Variants in ENOX1 observed in about 807,000 individuals in gnomAD.
The protein encoded by ENOX1 is candidate growth-related and time keeping constitutive hydroquinone (NADH) oxidase.
In ENOX1, 42 loss-of-function variants were observed where a neutral mutation model predicts 82.5. The observed-to-expected ratio is 0.51, with a 90% CI of 0.40 to 0.66. The LOEUF is 0.66. Ranked by LOEUF, ENOX1 falls within the 30% of genes least tolerant of loss-of-function variation. The pLI is 0.00. For missense variants in ENOX1, 608 were observed against 811.6 expected (o/e 0.75, Z 3.05); for synonymous variants, 271 against 282.2 (o/e 0.96, Z 0.40).
chr13:43,435,048 G>T (rs1325398404), intron 3 of ENOX1, among the ~76,000 whole-genome samples: 2 of 143,200 alleles, frequency 1.4e-5, no homozygotes, highest in Non-Finnish European at 1.5e-5. Flanking sequence ...AAACCTCTTA[G>T]CATAATACCC....
intron 16 of ENOX1, among the ~76,000 whole-genome samples, chr13:43,222,400 C>T (rs1390116724): frequency 6.6e-6 from 1 of 151,876 alleles, no homozygotes; most frequent in Admixed American, 6.6e-5. Context: ...CACACACACA[C>T]ACACGCAGGC....
chr13:43,440,781 C>T (rs2056316625), intron 3 of ENOX1, among the ~76,000 whole-genome samples: 1 of 152,024 alleles, frequency 6.6e-6, no homozygotes, highest in Non-Finnish European at 1.5e-5. Context: ...TTTAAAAATA[C>T]TAAATATGAA....
At chr13:43,262,692 G>T (rs1303231412) in intron 14 of ENOX1, among the ~76,000 whole-genome samples, 1 of 152,022 alleles carries the variant, frequency 6.6e-6, no homozygotes, top group East Asian at 1.9e-4. Context: ...GCCCAGTCTG[G>T]TCTTGAACTC....
chr13:43,289,448 A>G (rs1030033453), intron 12 of ENOX1, among the ~76,000 whole-genome samples: 2 of 152,188 alleles, frequency 1.3e-5, no homozygotes, highest in South Asian at 2.1e-4. Context: ...ATTTGACAGG[A>G]CTGACAAAAA....
intron 1 of ENOX1, among the ~76,000 whole-genome samples, chr13:43,748,065 T>A (rs1459490606): frequency 2.0e-5 from 3 of 152,224 alleles, no homozygotes; most frequent in Non-Finnish European, 4.4e-5. Flanking sequence ...AAATTAGTGG[T>A]CATTATGTGC....
intron 2 of ENOX1, among the ~76,000 whole-genome samples, chr13:43,619,333 CAG>C (rs2082623561): frequency 6.6e-6 from 1 of 152,020 alleles, no homozygotes; most frequent in Non-Finnish European, 1.5e-5. Context: ...GTCAGATTCT[CAG>C]AGAGAATGCT....
chr13:43,740,284 T>C (rs79463878), intron 1 of ENOX1, among the ~76,000 whole-genome samples: 354 of 152,220 alleles, frequency 2.3e-3, no homozygotes, highest in African/African-American at 8.3e-3. Context: ...ACTTTGCATT[T>C]ACTCTGAAAG....
chr13:43,556,619 G>T (rs2079448001), intron 2 of ENOX1, among the ~76,000 whole-genome samples: 1 of 151,748 alleles, frequency 6.6e-6, no homozygotes, highest in African/African-American at 2.4e-5. Context: ...ATTCATTCAT[G>T]ATTAATTATT....
intron 2 of ENOX1, among the ~76,000 whole-genome samples, chr13:43,528,093 G>A (rs1377324273): frequency 2.0e-5 from 3 of 152,060 alleles, no homozygotes; most frequent in Non-Finnish European, 4.4e-5. Context: ...ACTCAATTCA[G>A]TCTTTTCTGT....
chr13:43,681,476 TC>T (rs2085780589), intron 1 of ENOX1, among the ~76,000 whole-genome samples: 1 of 152,130 alleles, frequency 6.6e-6, no homozygotes. Flanking sequence ...TTTAAATTTT[TC>T]TCTTGGGAAG....
At chr13:43,387,349 T>C (rs2052481166) in intron 5 of ENOX1, among the ~76,000 whole-genome samples, 1 of 152,102 alleles carries the variant, frequency 6.6e-6, no homozygotes, top group South Asian at 2.1e-4. Context: ...GGAGCTGGCC[T>C]GTGGTGGGAA....
chr13:43,447,516 C>T (rs924028469), intron 3 of ENOX1, among the ~76,000 whole-genome samples: 6 of 151,984 alleles, frequency 3.9e-5, no homozygotes, highest in Non-Finnish European at 7.4e-5. Flanking sequence ...AGTCTGTGCC[C>T]TGACTTACAT....
rs1466507380 is a variant in ENOX1, at chr13:43,521,400, T to A, written c.-218-37248A>T. Among the ~76,000 whole-genome samples the A allele has an allele frequency of 2.6e-5, 4 of 152,046 alleles. No homozygotes were observed. The East Asian group carries it at 7.7e-4, about 29-fold the overall frequency. ...GCAGCAGCCAGTATTATCCAAAGAC[T>A]GATATCAGAGGCTCATGTCAGGCTG... On this transcript the variant is annotated intron_variant, in intron 2 of 16. Transcript: ENST00000690772.
At chr13:43,536,931 G>A (rs938640521) in intron 2 of ENOX1, among the ~76,000 whole-genome samples, 3 of 152,124 alleles carry the variant, frequency 2.0e-5, no homozygotes, top group Non-Finnish European at 2.9e-5. Context: ...AAAAACCAAG[G>A]AGCTTCCTCA....
At position 43,773,869 on chromosome 13, in the gene ENOX1, A is replaced by G. The variant is rs541596512; in HGVS notation, c.-285+12783T>C. 9.2e-5 allele frequency among the ~76,000 whole-genome samples: 14 copies of G among 152,304 alleles called. No homozygotes were observed. In the East Asian group the frequency reaches 2.5e-3, roughly 27 times the overall value. Reference sequence around the variant, plus strand: ...TGTGAACTTGGCACAACAAATACCTATTCATTAGGCACGCACAATGAATAT... The same window carrying G: ...TGTGAACTTGGCACAACAAATACCTGTTCATTAGGCACGCACAATGAATAT... On this transcript the variant is annotated intron_variant, in intron 1 of 16. Coordinates refer to ENST00000690772, the MANE Select transcript of ENOX1 (RefSeq NM_001347969.2).
intron 2 of ENOX1, among the ~76,000 whole-genome samples, chr13:43,548,897 G>A (rs1030883368): frequency 2.6e-5 from 4 of 151,832 alleles, no homozygotes; most frequent in African/African-American, 2.4e-5. Flanking sequence ...CTGCAAAAGC[G>A]CTTCCCAAAT....
At chr13:43,470,753 G>A (rs187285518) in intron 3 of ENOX1, among the ~76,000 whole-genome samples, 208 of 151,748 alleles carry the variant, frequency 1.4e-3, no homozygotes, top group African/African-American at 4.8e-3. Flanking sequence ...ATAAATGACC[G>A]GTGAGCATAT....
chr13:43,300,879 C>CAGAGAAATTTCTGTT (rs1306917983), intron 11 of ENOX1, among the ~76,000 whole-genome samples: 2,481 of 152,302 alleles, frequency 0.016, 52 homozygotes, highest in African/African-American at 0.056. Flanking sequence ...CAGAGACCTA[C>CAGAGAAATTTCTGTT]TCATAAAATC....
chr13:43,245,238 T>C lies in ENOX1; in HGVS notation c.1612-8500A>G, dbSNP rs189225847. 9.2e-5 allele frequency among the ~76,000 whole-genome samples: 14 copies of C among 152,308 alleles called. No homozygotes were observed. The East Asian group carries it at 2.7e-3, about 29-fold the overall frequency. On this transcript the variant is annotated intron_variant, in intron 14 of 16. Transcript: ENST00000690772. ...GCCGCTGGCCTGCTGTGTTTCTTTGTTTCATTTTTGCTGTTTGTACAAAGA... is the reference window on the plus strand; with the variant it reads ...GCCGCTGGCCTGCTGTGTTTCTTTGCTTCATTTTTGCTGTTTGTACAAAGA...
Sources: allele counts gnomAD v4.1 joint callset (sites outside exome capture counted in the v4.1 genomes callset), GRCh38; gene constraint gnomAD v4.1.1; transcripts MANE v1.5; gene names NCBI Gene and HGNC (gene_info 2026-07-23, HGNC 2026-07-21).